The following PCDHGA2 variants were observed in gnomAD, a reference collection of about 807,000 sequenced individuals.
The protein encoded by PCDHGA2 is protocadherin gamma subfamily A, 2.
In PCDHGA2, 40 loss-of-function variants were observed where a neutral mutation model predicts 59.2. That is an observed-to-expected ratio of 0.68 (90% CI 0.52 to 0.88). PCDHGA2 has a LOEUF of 0.88. Among genes scored for constraint, PCDHGA2 ranks in the 40% least tolerant of loss-of-function variants. PCDHGA2 has a pLI of 0.00. For missense variants in PCDHGA2, 1,226 were observed against 1,204.0 expected, an observed-to-expected ratio of 1.02 and a Z score of -0.27; for synonymous variants, 560 against 526.0, an observed-to-expected ratio of 1.06 and a Z score of -0.89.
chr5:141,445,446 G>T (rs2098467238), intron 1 of PCDHGA2, among the ~76,000 whole-genome samples: 1 of 152,264 alleles, frequency 6.6e-6, no homozygotes, highest in Admixed American at 6.5e-5. Flanking sequence ...ATGGACTAAG[G>T]ATGCAGCAAT....
In PCDHGA2 at chr5:141,490,084, G is replaced by A. The variant is rs772917260; in HGVS notation, c.2425-4723G>A. The A allele has an allele frequency of 4.3e-6, 7 of 1,614,104 alleles. No individual in the cohort carries two copies. ...CAACGGCCAACTAGACTATTCTTTT[G>A]GAGACCACACATCTGAGGCAGTGCG... On this transcript the variant is annotated intron_variant, in intron 1 of 3. Transcript: ENST00000394576. The surrounding 1 kb of genome is among the most constrained non-coding windows in gnomAD (Gnocchi z 5.4).
At chr5:141,345,144 G>C in intron 1 of PCDHGA2, 1 of 1,613,994 alleles carries the variant, frequency 6.2e-7, no homozygotes, top group Non-Finnish European at 8.5e-7. Context: ...TCTTATCGAC[G>C]TGCATGACCG....
At chr5:141,348,596 G>A (rs1588473926) in intron 1 of PCDHGA2, among the ~76,000 whole-genome samples, 1 of 152,154 alleles carries the variant, frequency 6.6e-6, no homozygotes, top group East Asian at 1.9e-4. Flanking sequence ...TACACTGAGA[G>A]TATGGAACCC....
chr5:141,475,167 G>A (rs529813171), intron 1 of PCDHGA2, among the ~76,000 whole-genome samples: 4 of 152,042 alleles, frequency 2.6e-5, no homozygotes, highest in Admixed American at 6.6e-5. Flanking sequence ...CATTAGCAGT[G>A]CAACTTCTTG....
intron 1 of PCDHGA2, chr5:141,350,156 C>A (rs1018523439): frequency 4.8e-5 from 48 of 1,005,970 alleles, no homozygotes; most frequent in Non-Finnish European, 6.4e-5. Flanking sequence ...CACCCTCGAG[C>A]GCCTAACTAA....
intron 1 of PCDHGA2, among the ~76,000 whole-genome samples, chr5:141,439,341 G>A (rs1464427300): frequency 6.6e-6 from 1 of 152,166 alleles, no homozygotes; most frequent in East Asian, 1.9e-4. Context: ...AAGATTCTAA[G>A]CCTACAAATA....
At chr5:141,384,755 T>C (rs1780456507) in intron 1 of PCDHGA2, 1 of 1,613,938 alleles carries the variant, frequency 6.2e-7, no homozygotes, top group South Asian at 1.1e-5. Flanking sequence ...CTCTTTGCGG[T>C]TGGGCTGTAC....
intron 1 of PCDHGA2, among the ~76,000 whole-genome samples, chr5:141,386,558 G>A (rs931142144): frequency 6.6e-5 from 10 of 151,826 alleles, no homozygotes; most frequent in African/African-American, 2.4e-4. Flanking sequence ...GTAGTATTTT[G>A]CACATGATAG....
Position 141,487,059 on chromosome 5 carries a change from G to A in PCDHGA2, c.2425-7748G>A, listed in dbSNP as rs760836605. 1.7e-5 allele frequency: 27 copies of A among 1,613,952 alleles called. No homozygotes were observed. Among genetic ancestry groups the A allele is most frequent in the Non-Finnish European group, 2.0e-5 (24 of 1,179,994 alleles). On this transcript the variant is annotated intron_variant, in intron 1 of 3. Transcript: ENST00000394576. This position sits in a 1 kb window ranked among gnomAD's most constrained non-coding sequence, Gnocchi z 5.0. ...GTCTCTCGATATGCTGGGGAGGTGC[G>A]GACGGCTGTTCCTATCCCAGCTGAC...
At chr5:141,403,596 C>G (rs746360206) in intron 1 of PCDHGA2, 16 of 1,613,650 alleles carry the variant, frequency 9.9e-6, no homozygotes, top group African/African-American at 2.7e-5. Flanking sequence ...CTCACGGCCT[C>G]GGATGGCGGC....
intron 1 of PCDHGA2, chr5:141,430,886 T>C: frequency 6.2e-7 from 1 of 1,605,190 alleles, no homozygotes; most frequent in Non-Finnish European, 8.5e-7. Context: ...GGAGAAAGGC[T>C]CTAGGGTGGG....
Position 141,487,373 on chromosome 5 carries a change from C to T in PCDHGA2, c.2425-7434C>T. 2 of 1,614,224 alleles carry T rather than the reference C, an allele frequency of 1.2e-6. No homozygotes were observed. Among genetic ancestry groups the T allele is most frequent in the Non-Finnish European group, 1.7e-6 (2 of 1,180,042 alleles). On this transcript the variant is annotated intron_variant, in intron 1 of 3. Transcript: ENST00000394576. This position sits in a 1 kb window ranked among gnomAD's most constrained non-coding sequence, Gnocchi z 5.0. ...CTTTCCTGCTGGCACCTGTGCCTGTCTCACCAGATCTCGAAGGAGGGAGGG... is the reference window on the plus strand; with the variant it reads ...CTTTCCTGCTGGCACCTGTGCCTGTTTCACCAGATCTCGAAGGAGGGAGGG...
intron 2 of PCDHGA2, among the ~76,000 whole-genome samples, chr5:141,496,013 T>C (rs2154591828): frequency 6.6e-6 from 1 of 152,134 alleles, no homozygotes; most frequent in East Asian, 1.9e-4. Flanking sequence ...CTTGTCTTTT[T>C]TCTCTGAGCC....
intron 1 of PCDHGA2, chr5:141,417,646 C>G: frequency 1.3e-6 from 1 of 797,874 alleles, no homozygotes. Context: ...GATCCCTCAG[C>G]CTCTAGCCTG....
chr5:141,343,347 C>G, intron 1 of PCDHGA2: 1 of 982,074 alleles, frequency 1.0e-6, no homozygotes, highest in South Asian at 4.7e-5. Context: ...TGTCTCAGCT[C>G]TTAGAGAGTT....
At chr5:141,480,703 C>T (rs577131684) in intron 1 of PCDHGA2, among the ~76,000 whole-genome samples, 10 of 152,252 alleles carry the variant, frequency 6.6e-5, no homozygotes, top group Admixed American at 1.3e-4. Flanking sequence ...GGCCACACCC[C>T]GACAAATGAA....
At chr5:141,503,598 CAAAAAAA>C (rs765754054) in intron 2 of PCDHGA2, among the ~76,000 whole-genome samples, 8 of 65,766 alleles carry the variant, frequency 1.2e-4, no homozygotes, top group South Asian at 1.1e-3. Context: ...GACTCCAGCT[CAAAAAAA>C]AAAAAAAAAG....
intron 1 of PCDHGA2, chr5:141,364,259 C>CA: frequency 6.7e-7 from 1 of 1,498,884 alleles, no homozygotes; most frequent in Non-Finnish European, 8.9e-7. Flanking sequence ...AATATGTACC[C>CA]ATCGGCTTTA....
At chr5:141,492,161 TC>T (rs1269738341) in intron 1 of PCDHGA2, among the ~76,000 whole-genome samples, 2 of 152,142 alleles carry the variant, frequency 1.3e-5, no homozygotes, top group Admixed American at 6.5e-5. Context: ...ACCCTCCCTA[TC>T]CCCGCATCAC....
Sources: allele counts gnomAD v4.1 joint callset (sites outside exome capture counted in the v4.1 genomes callset), GRCh38; gene constraint gnomAD v4.1.1; non-coding constraint Gnocchi (gnomAD v3.1); transcripts MANE v1.5; gene names NCBI Gene and HGNC (gene_info 2026-07-23, HGNC 2026-07-21).